UTRN: variants seen among roughly 807,000 people sequenced by gnomAD.
UTRN encodes dystrophin-related protein 1.
In UTRN, 283 loss-of-function variants were observed where a neutral mutation model predicts 463.9. The observed-to-expected ratio is 0.61, with a 90% confidence interval of 0.55 to 0.67. The LOEUF is 0.67. Among genes scored for constraint, UTRN ranks in the 30% least tolerant of loss-of-function variants. UTRN has a pLI of 0.00. For synonymous variants in UTRN, 1,442 were observed against 1,431.5 expected (o/e 1.01, Z -0.17); for missense variants, 3,922 against 4,084.3 (o/e 0.96, Z 1.08).
At chr6:144,590,730 C>T (rs937993160) in intron 51 of UTRN, among the ~76,000 whole-genome samples, 1 of 152,060 alleles carries the variant, frequency 6.6e-6, no homozygotes, top group Non-Finnish European at 1.5e-5. Flanking sequence ...TCAAACAGTT[C>T]TGGCTTTGCC....
intron 25 of UTRN, among the ~76,000 whole-genome samples, chr6:144,476,485 C>T (rs1383813569): frequency 1.3e-5 from 2 of 152,100 alleles, no homozygotes; most frequent in Non-Finnish European, 1.5e-5. Flanking sequence ...AAGGATGACT[C>T]AGGATTTTTA....
rs572587617 is a variant in UTRN, at chr6:144,464,662, G to A, written c.3066+1796G>A. The stretch of plus-strand genomic sequence containing the variant: ...ACTACAGGCACATGCCACTATGCCC[G>A]GCTAAGGTTTTATTTTTAGTAGAGA... On this transcript the variant is annotated intron_variant, in intron 23 of 74. Coordinates refer to ENST00000367545, the MANE Select transcript of UTRN (RefSeq NM_007124.3). 2.6e-5 allele frequency among the ~76,000 whole-genome samples: 4 copies of A among 152,078 alleles called. 1 individual carries two copies. In the East Asian group the frequency reaches 5.8e-4, roughly 22 times the overall value.
In UTRN at chr6:144,522,072, A is replaced by C. The variant is rs61738782; in HGVS notation, c.5634A>C (p.Lys1878Asn). Residue 1878 changes from lysine (K) to asparagine (N), a missense_variant, in exon 40 of 75, where the codon AAA becomes AAC. Lys to Asn is a moderately conservative substitution (Grantham distance 94, BLOSUM62 0). Coordinates refer to ENST00000367545, the MANE Select transcript of UTRN (RefSeq NM_007124.3). ...CAGATTATCTGGTTGAAATTAACAA[A>C]ATTTTACTTTGCATGGATGATGTTG... ...LPTDYLVEINKILLCMDDVEL... is the reference protein window; with the variant it reads ...LPTDYLVEINNILLCMDDVEL... The C allele has an allele frequency of 1.9e-4, 303 of 1,597,700 alleles. 1 individual carries two copies. Among genetic ancestry groups the C allele is most frequent in the South Asian group, 3.5e-4 (31 of 88,690 alleles).
intron 2 of UTRN, among the ~76,000 whole-genome samples, chr6:144,323,417 C>T (rs73588996): frequency 0.03 from 4,498 of 152,222 alleles, 215 homozygotes; most frequent in African/African-American, 0.1. Flanking sequence ...TCCCTCCCTC[C>T]AATTAATGAT....
At chr6:144,607,948 C>T (rs1451214391) in intron 51 of UTRN, among the ~76,000 whole-genome samples, 1 of 152,176 alleles carries the variant, frequency 6.6e-6, no homozygotes, top group Non-Finnish European at 1.5e-5. Flanking sequence ...ATAAAGCAGG[C>T]TGGTCAATCA....
At position 144,462,716 on chromosome 6, in the gene UTRN, G is replaced by C; in HGVS notation, c.2916G>C (p.Lys972Asn). The C allele has an allele frequency of 6.2e-7, 1 of 1,609,930 alleles. No individual in the cohort carries two copies. The highest frequency in any genetic ancestry group is 2.2e-5 in the East Asian group (1 of 44,812). ...TACATAAACTTGCAGAAGAAACAAA[G>C]GCTCTGGAGAAAAATGTTCATCCTG... ...PALHKLAEET[K>N]ALEKNVHPDV... The change falls in exon 23 of 75, where the codon AAG (lysine) becomes AAC (asparagine). Residue 972 changes from lysine (K) to asparagine (N), a missense_variant. By Grantham distance (94) the Lys-to-Asn change is moderately conservative. Around this residue, in one of 3 missense-constraint regions of UTRN, gnomAD observed 2,349 missense variants for 2,303.8 expected, o/e 1.02. Coordinates refer to ENST00000367545, the MANE Select transcript of UTRN (RefSeq NM_007124.3).
At chr6:144,730,570 G>T (rs1409689213) in intron 54 of UTRN, 84 bp downstream of exon 54, 4 of 1,381,638 alleles carry the variant, frequency 2.9e-6, no homozygotes, top group Non-Finnish European at 3.8e-6. Flanking sequence ...TTTCCTTACA[G>T]CATTTTAGGA....
At chr6:144,348,146 G>A (rs918984220) in intron 2 of UTRN, among the ~76,000 whole-genome samples, 2 of 151,964 alleles carry the variant, frequency 1.3e-5, no homozygotes, top group Admixed American at 6.6e-5. Context: ...ATGCCCAGCC[G>A]TGACTCACTC....
chr6:144,462,944 T>C, intron 23 of UTRN, 78 bp downstream of exon 23: 1 of 1,148,092 alleles, frequency 8.7e-7, no homozygotes, highest in East Asian at 2.6e-5. Flanking sequence ...ACGTATTTAT[T>C]ATTTAAATAT....
At chr6:144,766,483 A>G (rs545445509) in intron 58 of UTRN, among the ~76,000 whole-genome samples, 29 of 152,100 alleles carry the variant, frequency 1.9e-4, no homozygotes, top group African/African-American at 7.0e-4. Context: ...TTTTCTGGAG[A>G]CTTCTGGTTT....
intron 65 of UTRN, among the ~76,000 whole-genome samples, chr6:144,814,576 C>G (rs1778914854): frequency 6.6e-6 from 1 of 152,100 alleles, no homozygotes; most frequent in Admixed American, 6.5e-5. Flanking sequence ...ACAAAAGTAT[C>G]AAGACCAAAT....
In UTRN at chr6:144,495,514, C is replaced by T. The variant is rs4421213; in HGVS notation, c.4593+2058C>T. Among the ~76,000 whole-genome samples, 46 of 152,342 alleles carry T rather than the reference C, an allele frequency of 3.0e-4. No individual in the cohort carries two copies. The East Asian group carries it at 7.7e-3, about 26-fold the overall frequency. On this transcript the variant is annotated intron_variant, in intron 33 of 74. Transcript: ENST00000367545. ...GTGGCGCGCAGCCCCGGTTCCCGCT[C>T]GCGCCTCTCCCTCCACACCTCCCTG...
chr6:144,358,430 G>A (rs1440058832), intron 2 of UTRN, among the ~76,000 whole-genome samples: 1 of 152,192 alleles, frequency 6.6e-6, no homozygotes, highest in East Asian at 1.9e-4. Context: ...AGGTGATAGT[G>A]AGCCATGAAA....
intron 66 of UTRN, among the ~76,000 whole-genome samples, chr6:144,824,612 A>ATATATATTTT (rs1562955125): frequency 2.5e-5 from 1 of 39,798 alleles, no homozygotes; most frequent in Non-Finnish European, 4.3e-5. Context: ...ATATATATAT[A>ATATATATTTT]TCTTTTTTTT....
intron 73 of UTRN, among the ~76,000 whole-genome samples, chr6:144,846,509 A>AAAT (rs2128765614): frequency 6.6e-6 from 1 of 152,356 alleles, no homozygotes; most frequent in East Asian, 1.9e-4. Context: ...AGTATGATTT[A>AAAT]AATAGGAAAT....
At chr6:144,517,394 C>T (rs1260877584) in intron 39 of UTRN, among the ~76,000 whole-genome samples, 3 of 150,232 alleles carry the variant, frequency 2.0e-5, no homozygotes, top group African/African-American at 7.4e-5. Flanking sequence ...GATGGGGTAT[C>T]TCTATGTTGC....
At position 144,712,937 on chromosome 6, in the gene UTRN, T is replaced by A. The variant is rs144300449; in HGVS notation, c.7809+12694T>A. On this transcript the variant is annotated intron_variant, in intron 53 of 74. Transcript: ENST00000367545. The stretch of plus-strand genomic sequence containing the variant: ...TTGGAGTATGCAGTAGAGTAAGGGG[T>A]GCTGCTTACCTCCTTTTGTGATGAT... 2.8e-3 allele frequency among the ~76,000 whole-genome samples: 432 copies of A among 152,196 alleles called. 1 individual carries two copies. The highest frequency in any genetic ancestry group is 9.8e-3 in the African/African-American group (407 of 41,534).
At chr6:144,764,851 C>T (rs1793101141) in intron 58 of UTRN, among the ~76,000 whole-genome samples, 1 of 151,974 alleles carries the variant, frequency 6.6e-6, no homozygotes, top group Non-Finnish European at 1.5e-5. Flanking sequence ...CTAAAAGCTA[C>T]AAATCCAGCT....
intron 63 of UTRN, among the ~76,000 whole-genome samples, chr6:144,794,384 C>A (rs1382930179): frequency 6.6e-6 from 1 of 152,158 alleles, no homozygotes; most frequent in African/African-American, 2.4e-5. Context: ...TCCCCATTGC[C>A]CACTACCTCC....
Sources: allele counts gnomAD v4.1 joint callset (sites outside exome capture counted in the v4.1 genomes callset), GRCh38; gene constraint gnomAD v4.1.1; regional missense constraint gnomAD v4.1.1; transcripts MANE v1.5; gene names NCBI Gene and HGNC (gene_info 2026-07-23, HGNC 2026-07-21).